The following NCOA3 variants were observed in gnomAD, a reference collection of about 807,000 sequenced individuals.
NCOA3 encodes the protein CBP-interacting protein.
In NCOA3, 51 loss-of-function variants were observed where a neutral mutation model predicts 158.8. That is an observed-to-expected ratio of 0.32 (90% CI 0.26 to 0.41). The LOEUF (loss-of-function observed/expected upper bound fraction) is 0.41, where lower values mean the gene tolerates loss of function less well. Ranked by LOEUF, NCOA3 falls within the 10% of genes least tolerant of loss-of-function variation. The pLI is 1.00. For synonymous variants in NCOA3, 537 were observed against 592.4 expected (o/e 0.91, Z 1.36); for missense variants, 1,510 against 1,746.6 (o/e 0.86, Z 2.41).
intron 2 of NCOA3, among the ~76,000 whole-genome samples, chr20:47,601,123 T>C (rs929099752): frequency 6.6e-6 from 1 of 152,198 alleles, no homozygotes; most frequent in Non-Finnish European, 1.5e-5. Context: ...TCTGGTCAGC[T>C]TCTGGTGAGG....
chr20:47,511,235 TTTTC>T (rs373100447), intron 1 of NCOA3, among the ~76,000 whole-genome samples: 7,433 of 149,110 alleles, frequency 0.05, 221 homozygotes, highest in Middle Eastern at 0.079. Context: ...GATTTAAACA[TTTTC>T]TTTCTTTCTT....
chr20:47,561,442 T>C (rs2085104737), intron 1 of NCOA3, among the ~76,000 whole-genome samples: 1 of 151,892 alleles, frequency 6.6e-6, no homozygotes, highest in African/African-American at 2.4e-5. Flanking sequence ...GCTAGGACTA[T>C]AGGCCTGTGC....
chr20:47,516,528 G>A (rs2084236557), intron 1 of NCOA3, among the ~76,000 whole-genome samples: 1 of 152,076 alleles, frequency 6.6e-6, no homozygotes, highest in Non-Finnish European at 1.5e-5. Flanking sequence ...TAGAAAGATG[G>A]TGGTTGAAAT....
chr20:47,600,502 G>A (rs1309075451), intron 2 of NCOA3, among the ~76,000 whole-genome samples: 1 of 141,984 alleles, frequency 7.0e-6, no homozygotes, highest in East Asian at 2.1e-4. Flanking sequence ...AAGCTTAAAT[G>A]TGTTTTTTTT....
At chr20:47,562,373 C>T (rs76332404) in intron 1 of NCOA3, among the ~76,000 whole-genome samples, 409 of 152,296 alleles carry the variant, frequency 2.7e-3, no homozygotes, top group Non-Finnish European at 3.8e-3. Flanking sequence ...ATGAGAATTC[C>T]TGTTGCTTCA....
At chr20:47,522,506 G>A (rs1031729740) in intron 1 of NCOA3, among the ~76,000 whole-genome samples, 1 of 151,514 alleles carries the variant, frequency 6.6e-6, no homozygotes, top group African/African-American at 2.4e-5. Flanking sequence ...CAGAAGGAGG[G>A]GGGCTCCAAA....
At chr20:47,627,216 T>C (rs1332682399) in intron 6 of NCOA3, 40 bp downstream of exon 6, 1 of 1,477,742 alleles carries the variant, frequency 6.8e-7, no homozygotes, top group Non-Finnish European at 9.2e-7. Context: ...GGTTAAATTT[T>C]TTTCCTTGAC....
At chr20:47,596,105 C>G (rs1049821879) in intron 2 of NCOA3, among the ~76,000 whole-genome samples, 3 of 152,160 alleles carry the variant, frequency 2.0e-5, no homozygotes, top group Admixed American at 6.5e-5. Context: ...ACGGTCAGTT[C>G]GTATAGTGTA....
intron 2 of NCOA3, among the ~76,000 whole-genome samples, chr20:47,584,728 G>C (rs2085507909): frequency 6.6e-6 from 1 of 152,072 alleles, no homozygotes; most frequent in Non-Finnish European, 1.5e-5. Flanking sequence ...GCTTGAGGAG[G>C]AGAAAGAAGA....
In NCOA3 at chr20:47,647,412, T is replaced by C. The variant is rs533682334; in HGVS notation, c.3546+46T>C. 5 of 1,564,262 alleles carry C rather than the reference T, an allele frequency of 3.2e-6. No homozygotes were observed. In the South Asian group the frequency reaches 5.9e-5, roughly 18 times the overall value. Reference sequence around the variant, plus strand: ...CCCTCTGGCTTCTCCTTCTGTTGTTTTCAGACTATGTTTCTCAGTGTTCTT... The same window carrying C: ...CCCTCTGGCTTCTCCTTCTGTTGTTCTCAGACTATGTTTCTCAGTGTTCTT... On this transcript the variant is annotated intron_variant, in intron 18 of 22. Coordinates refer to ENST00000371998, the MANE Select transcript of NCOA3 (RefSeq NM_181659.3).
At position 47,655,788 on chromosome 20, in the gene NCOA3, T is replaced by A. The variant is rs2086862199; in HGVS notation, c.*2371T>A. On this transcript the variant is annotated 3_prime_UTR_variant, in exon 23 of 23. Transcript: ENST00000371998. ...TTATTAAAAACAAAAAAAAAATAAA[T>A]TTTTTTGCAATCCTTTCCTCAGACC... The A allele has an allele frequency of 6.6e-6, 1 of 152,460 alleles. No individual in the cohort carries two copies. Among genetic ancestry groups the A allele is most frequent in the Admixed American group, 6.6e-5 (1 of 15,262 alleles). 9.4% of individuals were successfully genotyped at this position (152,460 alleles called of 1,614,324 possible).
At chr20:47,506,303 T>C (rs1418574675) in intron 1 of NCOA3, among the ~76,000 whole-genome samples, 2 of 152,218 alleles carry the variant, frequency 1.3e-5, no homozygotes, top group African/African-American at 4.8e-5. Flanking sequence ...AGGTTAAAGA[T>C]GCAATTTATC....
At chr20:47,548,463 G>A (rs1183590208) in intron 1 of NCOA3, among the ~76,000 whole-genome samples, 1 of 152,024 alleles carries the variant, frequency 6.6e-6, no homozygotes, top group Admixed American at 6.6e-5. Context: ...AGAATCACTT[G>A]AACCTGGGAG....
chr20:47,651,394 A>G (rs13043787), intron 20 of NCOA3, 118 bp downstream of exon 20: 1 of 1,445,026 alleles, frequency 6.9e-7, no homozygotes, highest in Non-Finnish European at 9.2e-7. Context: ...TTACTTCACA[A>G]GGAAAACCAA....
At chr20:47,640,233 G>A (rs67932607) in intron 16 of NCOA3, among the ~76,000 whole-genome samples, 182 bp downstream of exon 16, 23 of 152,194 alleles carry the variant, frequency 1.5e-4, no homozygotes, top group Non-Finnish European at 2.8e-4. Flanking sequence ...TAAGCAGTGC[G>A]TGTGGCATTC....
chr20:47,537,880 C>CTGTT (rs944988251), intron 1 of NCOA3, among the ~76,000 whole-genome samples: 5 of 148,914 alleles, frequency 3.4e-5, no homozygotes, highest in Non-Finnish European at 7.4e-5. Flanking sequence ...CTGTGCCTGG[C>CTGTT]TGTTTGTTTG....
At chr20:47,613,619 A>C (rs2146282598) in intron 2 of NCOA3, among the ~76,000 whole-genome samples, 1 of 152,286 alleles carries the variant, frequency 6.6e-6, no homozygotes, top group East Asian at 1.9e-4. Context: ...GCAAAAGAAA[A>C]ATAAATAAGT....
intron 1 of NCOA3, among the ~76,000 whole-genome samples, chr20:47,511,031 C>T (rs2146051809): frequency 6.6e-6 from 1 of 152,056 alleles, no homozygotes; most frequent in South Asian, 2.1e-4. Flanking sequence ...TATGCCTTTA[C>T]TATTTAAGGA....
chr20:47,626,328 C>T (rs1369965224), intron 5 of NCOA3, among the ~76,000 whole-genome samples: 1 of 152,200 alleles, frequency 6.6e-6, no homozygotes, highest in Non-Finnish European at 1.5e-5. Flanking sequence ...AGAGCAGTTT[C>T]TGTAGCTTGA....
Sources: allele counts gnomAD v4.1 joint callset (sites outside exome capture counted in the v4.1 genomes callset), GRCh38; gene constraint gnomAD v4.1.1; transcripts MANE v1.5; gene names NCBI Gene and HGNC (gene_info 2026-07-23, HGNC 2026-07-21).